KCNK3: variants seen among roughly 807,000 people sequenced by gnomAD.
KCNK3 encodes potassium channel subfamily K member 3.
In KCNK3, 9 loss-of-function variants were observed where a neutral mutation model predicts 27.3. That is an observed-to-expected ratio of 0.33 (90% CI 0.20 to 0.57). The LOEUF (loss-of-function observed/expected upper bound fraction) is 0.57. Among genes scored for constraint, KCNK3 ranks in the 20% least tolerant of loss-of-function variants. The probability of loss-of-function intolerance (pLI) is 0.87; values close to 1 mark genes in which losing one functional copy is unlikely to be tolerated. For synonymous variants in KCNK3, 278 were observed against 273.8 expected (o/e 1.02, Z -0.15); for missense variants, 391 against 577.7 (o/e 0.68, Z 3.31).
chr2:26,697,268 G>A (rs1370881216), intron 1 of KCNK3, among the ~76,000 whole-genome samples: 2 of 152,200 alleles, frequency 1.3e-5, no homozygotes, highest in Non-Finnish European at 2.9e-5. Context: ...GGAGGCGGAG[G>A]CAGAAGTAGA....
rs1483140234 is a variant in KCNK3, at chr2:26,733,033, C to G, written c.*4465C>G. The G allele has an allele frequency of 6.6e-6, 1 of 152,356 alleles. No homozygotes were observed. Among genetic ancestry groups the G allele is most frequent in the Non-Finnish European group, 1.5e-5 (1 of 68,136 alleles). The allele number at this position is 152,356 out of a possible 1,614,324, so 9.4% of individuals were successfully genotyped here. ...ATCTCAGAATTGCCTGAGGTTCTAG[C>G]GTGGGCTCCTTCTCTCCAGATGATG... is the stretch of plus-strand genomic sequence containing the variant. On this transcript the variant is annotated 3_prime_UTR_variant, in exon 2 of 2. Coordinates refer to ENST00000302909, the MANE Select transcript of KCNK3 (RefSeq NM_002246.3).
chr2:26,702,292 C>A (rs1417407682), intron 1 of KCNK3, among the ~76,000 whole-genome samples: 1 of 152,178 alleles, frequency 6.6e-6, no homozygotes, highest in African/African-American at 2.4e-5. Flanking sequence ...GTGTGGAATG[C>A]AGATAGTAGC....
intron 1 of KCNK3, among the ~76,000 whole-genome samples, chr2:26,700,291 C>T (rs1391361093): frequency 1.3e-5 from 2 of 152,242 alleles, no homozygotes; most frequent in Non-Finnish European, 1.5e-5. Flanking sequence ...GAGCAGTCAA[C>T]CGCCCAGCTG....
At chr2:26,699,611 G>A (rs931803714) in intron 1 of KCNK3, among the ~76,000 whole-genome samples, 6 of 152,220 alleles carry the variant, frequency 3.9e-5, no homozygotes, top group Non-Finnish European at 7.3e-5. Flanking sequence ...CAGTCAGCCA[G>A]CAGCAAGTGG....
At chr2:26,711,924 G>A (rs1315893717) in intron 1 of KCNK3, among the ~76,000 whole-genome samples, 2 of 152,160 alleles carry the variant, frequency 1.3e-5, no homozygotes, top group African/African-American at 4.8e-5. Flanking sequence ...TGGGTCCTGG[G>A]GAGATTGCCT....
intron 1 of KCNK3, chr2:26,724,496 A>C (rs892004384): frequency 1.5e-6 from 1 of 655,502 alleles, no homozygotes; most frequent in African/African-American, 2.0e-5. Context: ...CTGTAATATG[A>C]AGATAATCAT....
At chr2:26,723,427 A>T (rs1572613726) in intron 1 of KCNK3, among the ~76,000 whole-genome samples, 1 of 152,062 alleles carries the variant, frequency 6.6e-6, no homozygotes, top group East Asian at 1.9e-4. Flanking sequence ...CTAACAATTA[A>T]TTTTTATGTC....
chr2:26,708,120 A>G (rs1281756393), intron 1 of KCNK3, among the ~76,000 whole-genome samples: 4 of 152,200 alleles, frequency 2.6e-5, no homozygotes, highest in African/African-American at 9.7e-5. Context: ...CTCAATGGTA[A>G]TAAGGGCCAG....
At chr2:26,699,699 C>A in intron 1 of KCNK3, among the ~76,000 whole-genome samples, 1 of 152,228 alleles carries the variant, frequency 6.6e-6, no homozygotes, top group Non-Finnish European at 1.5e-5. Flanking sequence ...CCCTCCTCCA[C>A]TCCCTCTCCA....
chr2:26,727,613 G>T, intron 1 of KCNK3, 54 bp from the exon 2 acceptor site: 1 of 1,511,758 alleles, frequency 6.6e-7, no homozygotes, highest in Admixed American at 2.3e-5. Context: ...GAAGGTTTCT[G>T]GAAGGGCAGC....
chr2:26,693,056 G>T lies in KCNK3; in HGVS notation c.181G>T (p.Glu61Ter). 1 of 1,602,962 alleles carries T rather than the reference G, an allele frequency of 6.2e-7. No individual in the cohort carries two copies. Among genetic ancestry groups the T allele is most frequent in the African/African-American group, 1.3e-5 (1 of 74,644 alleles). The change falls in exon 1 of 2, where the codon GAG becomes TAG. Residue 61 changes from glutamate to a stop codon, truncating the protein, a stop_gained. Transcript: ENST00000302909. LOFTEE classifies it high-confidence loss of function. The surrounding 1 kb of genome is among the most constrained non-coding windows in gnomAD (Gnocchi z 5.5). ...CAACCTCAGCCAGGGCGGCTACGAG[G>T]AGCTGGAGCGCGTCGTGCTGCGCCT... ...RYNLSQGGYE[E>*]LERVVLRLKP...
chr2:26,725,093 G>A (rs1194885341), intron 1 of KCNK3, among the ~76,000 whole-genome samples: 1 of 152,118 alleles, frequency 6.6e-6, no homozygotes, highest in Non-Finnish European at 1.5e-5. Context: ...GGAAGTCACG[G>A]CCTATGACAA....
intron 1 of KCNK3, among the ~76,000 whole-genome samples, chr2:26,718,781 CG>C (rs1364425620): frequency 2.5e-5 from 3 of 119,740 alleles, no homozygotes; most frequent in Non-Finnish European, 4.2e-5. Flanking sequence ...GCTAATTTTT[CG>C]TTTTTTTCTA....
chr2:26,718,283 A>G (rs535517286), intron 1 of KCNK3, among the ~76,000 whole-genome samples: 5 of 152,044 alleles, frequency 3.3e-5, no homozygotes, highest in Non-Finnish European at 7.4e-5. Context: ...GGAGCCATCC[A>G]TGGCTCCTCA....
intron 1 of KCNK3, among the ~76,000 whole-genome samples, chr2:26,713,341 G>A (rs1369719863): frequency 6.6e-6 from 1 of 152,232 alleles, no homozygotes; most frequent in Admixed American, 6.5e-5. Flanking sequence ...GAGGGAGTCA[G>A]GAGAGGCCAG....
chr2:26,701,098 C>T (rs1156595254), intron 1 of KCNK3, among the ~76,000 whole-genome samples: 1 of 152,228 alleles, frequency 6.6e-6, no homozygotes, highest in Middle Eastern at 3.2e-3. Context: ...GGATCAGATC[C>T]ATTGTCCACA....
intron 1 of KCNK3, among the ~76,000 whole-genome samples, chr2:26,708,468 G>A (rs1165987374): frequency 6.6e-6 from 1 of 152,184 alleles, no homozygotes; most frequent in Non-Finnish European, 1.5e-5. Flanking sequence ...GAGGTCAGGA[G>A]TTTGAGACCA....
chr2:26,725,907 C>T (rs149467945), intron 1 of KCNK3, among the ~76,000 whole-genome samples: 123 of 152,304 alleles, frequency 8.1e-4, no homozygotes, highest in Non-Finnish European at 1.1e-3. Context: ...TAATCTGGCA[C>T]TTCACTCATT....
Position 26,728,167 on chromosome 2 carries a change from G to C in KCNK3, c.784G>C (p.Ala262Pro). 1.3e-6 allele frequency: 2 copies of C among 1,576,052 alleles called. No individual in the cohort carries two copies. The highest frequency in any genetic ancestry group is 1.7e-6 in the Non-Finnish European group (2 of 1,160,910). Residue 262 changes from alanine to proline, a missense_variant, in exon 2 of 2, where the codon GCG (alanine) becomes CCG (proline). Around this residue, in one of 4 missense-constraint regions of KCNK3, gnomAD observed 38 missense variants for 80.5 expected, o/e 0.47. Transcript: ENST00000302909. ...EDEKRDAEHR[A>P]LLTRNGQAGG... ...CGAGAAGCGCGACGCCGAGCACCGC[G>C]CGCTGCTCACGCGCAACGGGCAGGC...
Sources: allele counts gnomAD v4.1 joint callset (sites outside exome capture counted in the v4.1 genomes callset), GRCh38; gene constraint gnomAD v4.1.1; regional missense constraint gnomAD v4.1.1; non-coding constraint Gnocchi (gnomAD v3.1); transcripts MANE v1.5; gene names NCBI Gene and HGNC (gene_info 2026-07-23, HGNC 2026-07-21).